The following DAB1 variants were observed in gnomAD, a reference collection of about 807,000 sequenced individuals.
DAB1 encodes disabled homolog 1.
In DAB1, 15 loss-of-function variants were observed where a neutral mutation model predicts 64.6. The ratio of observed to expected loss-of-function variants is 0.23; its 90% confidence interval spans 0.16 to 0.36. The LOEUF (loss-of-function observed/expected upper bound fraction) is 0.36. Among genes scored for constraint, DAB1 ranks in the 10% least tolerant of loss-of-function variants. The pLI is 1.00. For synonymous variants in DAB1, 235 were observed against 251.9 expected, an observed-to-expected ratio of 0.93 and a Z score of 0.64; for missense variants, 596 against 706.7, an observed-to-expected ratio of 0.84 and a Z score of 1.78.
intron 2 of DAB1, among the ~76,000 whole-genome samples, chr1:57,149,101 A>G (rs1659421202): frequency 6.6e-6 from 1 of 152,190 alleles, no homozygotes; most frequent in African/African-American, 2.4e-5. Flanking sequence ...ATTTTATAAT[A>G]TACAATTTTT....
chr1:58,452,821 C>G (rs1224319545), intron 3 of DAB1, among the ~76,000 whole-genome samples: 3 of 151,042 alleles, frequency 2.0e-5, no homozygotes, highest in African/African-American at 7.3e-5. Context: ...GAGAGAGACT[C>G]CATCTCAAAA....
chr1:57,366,167 G>A (rs12734724), intron 1 of DAB1, among the ~76,000 whole-genome samples: 3,945 of 152,184 alleles, frequency 0.026, 73 homozygotes, highest in African/African-American at 0.043. Flanking sequence ...CAGCAAAATG[G>A]CATTACTCCA....
rs1291457512 is a variant in DAB1 at position 58,377,972 on chromosome 1, C to T, written n.258-34569G>A. The stretch of plus-strand genomic sequence containing the variant: ...TACCCTTTCTTCCAGTTGATCGCAT[C>T]GGCTCCTGAGGCTTCTGCATTCTTC... On this transcript the variant is annotated intron_variant and non_coding_transcript_variant, in intron 3 of 20. Transcript: ENST00000485760. 9.2e-5 allele frequency among the ~76,000 whole-genome samples: 13 copies of T among 141,426 alleles called. 2 individuals carry two copies. The highest frequency in any genetic ancestry group is 9.1e-4 in the South Asian group (4 of 4,412). 92.8% of individuals were successfully genotyped at this position (141,426 alleles called of 152,430 possible). A position where few individuals can be genotyped will look rare whatever the true frequency, so the allele number is the denominator to read the frequency against.
At chr1:57,295,220 G>A (rs936094948) in intron 1 of DAB1, among the ~76,000 whole-genome samples, 1 of 152,136 alleles carries the variant, frequency 6.6e-6, no homozygotes, top group African/African-American at 2.4e-5. Flanking sequence ...TATGTCATGT[G>A]AATTTCACCA....
intron 6 of DAB1, among the ~76,000 whole-genome samples, chr1:57,792,465 C>G (rs1023168707): frequency 1.3e-5 from 2 of 152,154 alleles, no homozygotes; most frequent in Non-Finnish European, 1.5e-5. Flanking sequence ...ACTCTATGTG[C>G]TAAAGTTTTC....
intron 5 of DAB1, among the ~76,000 whole-genome samples, chr1:57,949,566 A>ACACAC (rs1553146617): frequency 7.9e-6 from 1 of 127,074 alleles, no homozygotes; most frequent in African/African-American, 2.7e-5. Context: ...ACACACACAC[A>ACACAC]ATATATATAT....
chr1:58,069,601 G>A (rs968362743), intron 5 of DAB1, among the ~76,000 whole-genome samples: 2 of 152,118 alleles, frequency 1.3e-5, no homozygotes, highest in Non-Finnish European at 1.5e-5. Context: ...GTAGACAGAG[G>A]AGTCTGCTCT....
At chr1:57,483,690 A>G (rs1477047115) in intron 7 of DAB1, among the ~76,000 whole-genome samples, 3 of 151,776 alleles carry the variant, frequency 2.0e-5, no homozygotes, top group Non-Finnish European at 2.9e-5. Flanking sequence ...TATTAACTCA[A>G]CTTTTCTACT....
Position 57,247,209 on chromosome 1 carries a change from G to A in DAB1, c.67+43755C>T, listed in dbSNP as rs147626302. ...TCAAATCTCATGTCAAATTGTAATC[G>A]TCACACGTCAGGAGAGGGGCCTGGT... On this transcript the variant is annotated intron_variant, in intron 2 of 14. Coordinates refer to ENST00000371236, the MANE Select transcript of DAB1 (RefSeq NM_001365792.1). Among the ~76,000 whole-genome samples the A allele has an allele frequency of 1.5e-3, 229 of 152,218 alleles. 1 individual carries two copies. The highest frequency in any genetic ancestry group is 5.4e-3 in the African/African-American group (223 of 41,558).
chr1:58,123,659 T>G (rs181981365), intron 5 of DAB1, among the ~76,000 whole-genome samples: 1 of 152,298 alleles, frequency 6.6e-6, no homozygotes, highest in Admixed American at 6.5e-5. Flanking sequence ...GGCCCTGGTG[T>G]GCCCTTACTA....
intron 5 of DAB1, among the ~76,000 whole-genome samples, chr1:58,126,908 G>A (rs1436332548): frequency 6.2e-5 from 9 of 144,764 alleles, no homozygotes; most frequent in East Asian, 4.3e-4. Flanking sequence ...GAATAATGCC[G>A]CAATAAACAT....
At chr1:57,939,904 C>G (rs1202894857) in intron 5 of DAB1, among the ~76,000 whole-genome samples, 1 of 152,170 alleles carries the variant, frequency 6.6e-6, no homozygotes, top group Non-Finnish European at 1.5e-5. Context: ...CTAAAGAGAA[C>G]ATTAAGGCCT....
At chr1:57,431,756 C>T (rs1685524829) in intron 7 of DAB1, among the ~76,000 whole-genome samples, 1 of 152,142 alleles carries the variant, frequency 6.6e-6, no homozygotes, top group South Asian at 2.1e-4. Flanking sequence ...ATACAAACCT[C>T]CAATTTTTTT....
chr1:57,869,471 T>C (rs948272859), intron 1 of DAB1, among the ~76,000 whole-genome samples: 5 of 152,076 alleles, frequency 3.3e-5, no homozygotes, highest in African/African-American at 4.8e-5. Flanking sequence ...TCCAGGACAG[T>C]AGAGTCATGG....
chr1:58,053,031 T>G (rs1647788545), intron 5 of DAB1, among the ~76,000 whole-genome samples: 1 of 152,178 alleles, frequency 6.6e-6, no homozygotes. Flanking sequence ...GCTGCCAGGC[T>G]TTTTTAAACA....
intron 2 of DAB1, among the ~76,000 whole-genome samples, chr1:57,206,633 T>A (rs2100303031): frequency 6.6e-6 from 1 of 152,302 alleles, no homozygotes; most frequent in East Asian, 1.9e-4. Flanking sequence ...AGTTGAAGCT[T>A]AGGTCTGAGT....
intron 5 of DAB1, among the ~76,000 whole-genome samples, chr1:58,043,896 T>G (rs1434181973): frequency 2.6e-5 from 4 of 152,092 alleles, no homozygotes; most frequent in African/African-American, 7.2e-5. Context: ...TTTGGCCAAT[T>G]TTTGTATTCT....
intron 5 of DAB1, among the ~76,000 whole-genome samples, chr1:57,942,891 A>T (rs1467718125): frequency 1.3e-5 from 2 of 152,350 alleles, no homozygotes; most frequent in East Asian, 3.9e-4. Flanking sequence ...TATGTGTTAT[A>T]TTAAGCTATA....
intron 3 of DAB1, among the ~76,000 whole-genome samples, chr1:58,446,792 C>T (rs902355378): frequency 3.9e-5 from 6 of 152,228 alleles, no homozygotes; most frequent in African/African-American, 1.4e-4. Flanking sequence ...TAAGGATAAG[C>T]TCTGCCCCTC....
Sources: allele counts gnomAD v4.1 joint callset (sites outside exome capture counted in the v4.1 genomes callset), GRCh38; gene constraint gnomAD v4.1.1; transcripts MANE v1.5; gene names NCBI Gene and HGNC (gene_info 2026-07-23, HGNC 2026-07-21).